Variants in PAK5 observed in about 807,000 individuals in gnomAD.
PAK5 encodes the protein serine/threonine-protein kinase PAK 5.
In PAK5, 16 loss-of-function variants were observed where a neutral mutation model predicts 65.9. The observed-to-expected ratio is 0.24, with a 90% CI of 0.16 to 0.37. The LOEUF is 0.37. Among genes scored for constraint, PAK5 ranks in the 10% least tolerant of loss-of-function variants. PAK5 has a pLI of 1.00. For synonymous variants in PAK5, 371 were observed against 354.9 expected, an observed-to-expected ratio of 1.05 and a Z score of -0.51; for missense variants, 785 against 903.9, an observed-to-expected ratio of 0.87 and a Z score of 1.69.
At chr20:9,789,195 T>C (rs768524230) in intron 1 of PAK5, among the ~76,000 whole-genome samples, 8 of 152,206 alleles carry the variant, frequency 5.3e-5, no homozygotes, top group Non-Finnish European at 1.0e-4. Context: ...GATCTCTAAT[T>C]GGTGGGTTTT....
At chr20:9,639,734 G>C (rs569059543) in intron 3 of PAK5, among the ~76,000 whole-genome samples, 1 of 152,350 alleles carries the variant, frequency 6.6e-6, no homozygotes, top group East Asian at 1.9e-4. Flanking sequence ...GTGAGTAAGA[G>C]AAGCACAAGG....
intron 3 of PAK5, among the ~76,000 whole-genome samples, chr20:9,616,391 T>C (rs1244376197): frequency 1.3e-5 from 2 of 152,174 alleles, no homozygotes; most frequent in Non-Finnish European, 1.5e-5. Flanking sequence ...GTGCCCAATG[T>C]TCATCCTTCC....
chr20:9,812,660 CA>C (rs1238195946), intron 1 of PAK5, among the ~76,000 whole-genome samples: 5 of 152,058 alleles, frequency 3.3e-5, no homozygotes, highest in African/African-American at 1.2e-4. Flanking sequence ...TTCTAATAGG[CA>C]AAAGTTAGAA....
Position 9,639,038 on chromosome 20 carries a change from G to A in PAK5, c.204+5087C>T, listed in dbSNP as rs984543024. Reference sequence around the variant, plus strand: ...TAACTTAAATAATTTTGCCAAAATGGCTTTAAACATGCATGACTATATCCA... The same window carrying A: ...TAACTTAAATAATTTTGCCAAAATGACTTTAAACATGCATGACTATATCCA... On this transcript the variant is annotated intron_variant, in intron 3 of 9. Coordinates refer to ENST00000353224, the MANE Select transcript of PAK5 (RefSeq NM_177990.4). Among the ~76,000 whole-genome samples, 47 of 152,078 alleles carry A rather than the reference G, an allele frequency of 3.1e-4. 1 individual carries two copies. The highest frequency in any genetic ancestry group is 2.9e-3 in the Admixed American group (44 of 15,270).
At chr20:9,746,290 C>T (rs1191333775) in intron 1 of PAK5, among the ~76,000 whole-genome samples, 6 of 152,268 alleles carry the variant, frequency 3.9e-5, no homozygotes, top group South Asian at 2.1e-4. Flanking sequence ...GGTCTTGGAA[C>T]GCATCTTTTC....
chr20:9,793,246 T>C (rs1405992578), intron 1 of PAK5, among the ~76,000 whole-genome samples: 1 of 152,154 alleles, frequency 6.6e-6, no homozygotes, highest in African/African-American at 2.4e-5. Context: ...ACTATATTAT[T>C]GACTTTATGA....
chr20:9,568,137 C>G (rs554730984), intron 4 of PAK5, among the ~76,000 whole-genome samples: 1 of 152,102 alleles, frequency 6.6e-6, no homozygotes, highest in African/African-American at 2.4e-5. Flanking sequence ...GCTTTTGCTC[C>G]GAGTGAGGTG....
intron 3 of PAK5, among the ~76,000 whole-genome samples, chr20:9,631,950 T>C (rs1045248084): frequency 6.6e-6 from 1 of 152,188 alleles, no homozygotes; most frequent in Non-Finnish European, 1.5e-5. Flanking sequence ...AAGGATAGGA[T>C]TTGATAGTTC....
At chr20:9,601,676 C>T (rs1568991297) in intron 3 of PAK5, among the ~76,000 whole-genome samples, 2 of 152,244 alleles carry the variant, frequency 1.3e-5, no homozygotes, top group South Asian at 4.1e-4. Flanking sequence ...TTGAACTTGG[C>T]CACGTGTCTT....
chr20:9,652,557 T>C (rs1039863050), intron 2 of PAK5, among the ~76,000 whole-genome samples: 3 of 152,200 alleles, frequency 2.0e-5, no homozygotes, highest in African/African-American at 7.2e-5. Context: ...ACTGGGTGCT[T>C]CCCACTCCAG....
chr20:9,770,484 T>G (rs1453800477), intron 1 of PAK5, among the ~76,000 whole-genome samples: 2 of 152,156 alleles, frequency 1.3e-5, no homozygotes, highest in Non-Finnish European at 1.5e-5. Flanking sequence ...TGGTTTGTAG[T>G]CATGGCTGTA....
At chr20:9,661,003 G>C (rs1223820191) in intron 2 of PAK5, among the ~76,000 whole-genome samples, 1 of 152,148 alleles carries the variant, frequency 6.6e-6, no homozygotes, top group African/African-American at 2.4e-5. Flanking sequence ...GCTCTGAGGG[G>C]TGGTGCAGGG....
chr20:9,756,426 G>T (rs2048634884), intron 1 of PAK5, among the ~76,000 whole-genome samples: 1 of 152,010 alleles, frequency 6.6e-6, no homozygotes. Context: ...GCAAACACTG[G>T]TGCATTCCCC....
At chr20:9,672,223 C>T (rs1405809253) in intron 2 of PAK5, among the ~76,000 whole-genome samples, 1 of 151,312 alleles carries the variant, frequency 6.6e-6, no homozygotes, top group Non-Finnish European at 1.5e-5. Flanking sequence ...ATTATGCTTA[C>T]ATGACAATAA....
At chr20:9,558,973 T>C (rs2045554008) in intron 6 of PAK5, among the ~76,000 whole-genome samples, 1 of 152,174 alleles carries the variant, frequency 6.6e-6, no homozygotes, top group Non-Finnish European at 1.5e-5. Context: ...CCACCTCTTT[T>C]TTAGTCCAGA....
At chr20:9,758,201 T>A (rs934195053) in intron 1 of PAK5, among the ~76,000 whole-genome samples, 4 of 152,178 alleles carry the variant, frequency 2.6e-5, no homozygotes, top group African/African-American at 9.6e-5. Flanking sequence ...GGAATAATAG[T>A]GTTGCTAAGT....
At chr20:9,797,918 A>G (rs1013901135) in intron 1 of PAK5, among the ~76,000 whole-genome samples, 1 of 152,112 alleles carries the variant, frequency 6.6e-6, no homozygotes, top group Non-Finnish European at 1.5e-5. Context: ...TATCATCCAG[A>G]GAGAGATGAA....
chr20:9,837,804 T>A (rs1979266757), intron 1 of PAK5, among the ~76,000 whole-genome samples: 1 of 152,186 alleles, frequency 6.6e-6, no homozygotes, highest in African/African-American at 2.4e-5. Flanking sequence ...TTTCAAGCTG[T>A]CATCAACTAT....
At chr20:9,593,080 G>T (rs2046200791) in intron 3 of PAK5, among the ~76,000 whole-genome samples, 1 of 152,054 alleles carries the variant, frequency 6.6e-6, no homozygotes, top group Non-Finnish European at 1.5e-5. Flanking sequence ...TAGGAGGACT[G>T]CTTGAGGCCA....
Sources: allele counts gnomAD v4.1 joint callset (sites outside exome capture counted in the v4.1 genomes callset), GRCh38; gene constraint gnomAD v4.1.1; transcripts MANE v1.5; gene names NCBI Gene and HGNC (gene_info 2026-07-23, HGNC 2026-07-21).